Variants in PIEZO1 observed in about 807,000 individuals in gnomAD.
PIEZO1 encodes the protein piezo-type mechanosensitive ion channel component 1.
Under a neutral mutation model 297.2 loss-of-function variants are expected in PIEZO1, and 296 were observed. The ratio of observed to expected loss-of-function variants is 1.00; its 90% CI spans 0.91 to 1.10. PIEZO1 has a LOEUF of 1.10. Ranked by LOEUF, PIEZO1 falls within the 50% of genes least tolerant of loss-of-function variation. The pLI, the probability that PIEZO1 is intolerant of heterozygous loss-of-function variation, is 0.00. For synonymous variants in PIEZO1, 2,427 were observed against 1,507.5 expected (o/e 1.61, Z -14.13); for missense variants, 5,018 against 3,455.5 (o/e 1.45, Z -11.34).
intron 50 of PIEZO1, 23 bp downstream of exon 50, chr16:88,715,910 T>C (rs1911983048): frequency 1.3e-6 from 2 of 1,530,242 alleles, no homozygotes; most frequent in Non-Finnish European, 1.8e-6. Context: ...AGCTGCGGGG[T>C]GCCCCCCCAG....
Position 88,738,036 on chromosome 16 carries a change from G to T in PIEZO1, c.918C>A (p.Thr306=). ...CSSPHALVLN[T]GLDWPVYASP... is the part of the protein sequence containing the mutation. ...TGGCATACACAGGCCAGTCCAGGCC[G>T]GTGTTGAGGACCAGCGCGTGGGGGC... The change falls in exon 8 of 51, where the codon ACC becomes ACA. Residue 306 remains threonine, a synonymous_variant. Transcript: ENST00000301015. 2 of 1,535,732 alleles carry T rather than the reference G, an allele frequency of 1.3e-6. No individual in the cohort carries two copies. Among genetic ancestry groups the T allele is most frequent in the Non-Finnish European group, 1.7e-6 (2 of 1,146,760 alleles).
At chr16:88,784,244 C>A (rs2142918475) in intron 1 of PIEZO1, among the ~76,000 whole-genome samples, 1 of 152,348 alleles carries the variant, frequency 6.6e-6, no homozygotes, top group African/African-American at 2.4e-5. Context: ...CAGACCAGGG[C>A]AGAGGCCGGC....
At chr16:88,756,187 G>C (rs1336004967) in intron 1 of PIEZO1, among the ~76,000 whole-genome samples, 6 of 152,184 alleles carry the variant, frequency 3.9e-5, no homozygotes, top group Non-Finnish European at 5.9e-5. Flanking sequence ...ACTCCTCACG[G>C]GCACCAGGCC....
chr16:88,722,223 C>G lies in PIEZO1; in HGVS notation c.4950G>C (p.Leu1650=). The change falls in exon 36 of 51, where the codon CTG becomes CTC. Residue 1650 remains leucine, a synonymous_variant. Coordinates refer to ENST00000301015, the MANE Select transcript of PIEZO1 (RefSeq NM_001142864.4). ...GLMRTASELL[L]DRRLRIPELE... ...TGTGCGCGTCCCGCCCCCACCTGTC[C>G]AGGAGCAGCTCGCTGGCCGTCCGCA... 1.3e-6 allele frequency: 2 copies of G among 1,546,526 alleles called. No individual in the cohort carries two copies. Among genetic ancestry groups the G allele is most frequent in the East Asian group, 2.4e-5 (1 of 40,918 alleles).
intron 1 of PIEZO1, among the ~76,000 whole-genome samples, chr16:88,783,498 C>T (rs1204921430): frequency 3.3e-5 from 5 of 152,220 alleles, no homozygotes; most frequent in Non-Finnish European, 7.3e-5. Context: ...GGAAATGGAA[C>T]GATCAGTGTG....
intron 22 of PIEZO1, among the ~76,000 whole-genome samples, chr16:88,730,901 G>A (rs938839175): frequency 1.8e-4 from 28 of 152,222 alleles, no homozygotes; most frequent in African/African-American, 6.3e-4. Context: ...ACAGCAGAGA[G>A]AAAGTCTGTT....
intron 27 of PIEZO1, chr16:88,726,001 C>T: frequency 1.8e-6 from 1 of 567,344 alleles, no homozygotes; most frequent in South Asian, 2.2e-5. Context: ...GGCCCTCCCG[C>T]TGGTGGAGAA....
chr16:88,780,712 G>A (rs796577151), intron 1 of PIEZO1, among the ~76,000 whole-genome samples: 12 of 152,368 alleles, frequency 7.9e-5, no homozygotes, highest in African/African-American at 2.9e-4. Flanking sequence ...TGTAACCCCA[G>A]CACTTTTGGA....
intron 1 of PIEZO1, among the ~76,000 whole-genome samples, chr16:88,765,973 G>A (rs1471010232): frequency 3.9e-5 from 6 of 152,118 alleles, no homozygotes; most frequent in South Asian, 2.1e-4. Flanking sequence ...GCACCCGGCC[G>A]CTATCTCCAT....
intron 1 of PIEZO1, among the ~76,000 whole-genome samples, chr16:88,779,903 C>T (rs1567490989): frequency 1.3e-5 from 2 of 152,152 alleles, no homozygotes; most frequent in East Asian, 1.9e-4. Context: ...CTGAGCCTTC[C>T]GGGGGGGACG....
chr16:88,733,363 A>G lies in PIEZO1; in HGVS notation c.2579T>C (p.Val860Ala). ...FRPMASCLST[V>A]WTCVIIVCKM... ...ACACACGATGATGACGCAGGTCCAC[A>G]CGGTGGACAGGCAGGAGGCCATGGG... Residue 860 changes from valine to alanine, a missense_variant, in exon 19 of 51, where the codon GTG becomes GCG. Val to Ala is a moderately conservative substitution (Grantham distance 64, BLOSUM62 0). Transcript: ENST00000301015. 2 of 1,549,946 alleles carry G rather than the reference A, an allele frequency of 1.3e-6. No homozygotes were observed. Among genetic ancestry groups the G allele is most frequent in the Non-Finnish European group, 1.7e-6 (2 of 1,146,570 alleles).
intron 2 of PIEZO1, chr16:88,742,952 T>G (rs766867375): frequency 5.0e-6 from 2 of 400,504 alleles, no homozygotes; most frequent in Non-Finnish European, 1.0e-5. Flanking sequence ...AAGGAGAAGT[T>G]GCATCCCGAT....
chr16:88,772,065 C>G (rs1375573535), intron 1 of PIEZO1, among the ~76,000 whole-genome samples: 3 of 143,362 alleles, frequency 2.1e-5, no homozygotes, highest in Non-Finnish European at 3.0e-5. Flanking sequence ...CCAGGCCCAC[C>G]TGAGACTCTA....
At position 88,736,726 on chromosome 16, in the gene PIEZO1, C is replaced by T. The variant is rs961346485; in HGVS notation, c.1209G>A (p.Arg403=). Residue 403 remains arginine, a synonymous_variant, in exon 11 of 51, where the codon CGG becomes CGA. Transcript: ENST00000301015. ...GCGGAGACGCCTCCCTGGGCTCAGC[C>T]CGCTTGGGCCGCACTGCAGGTGGGG... ...SVLRRPVRPK[R]AEPREASPLH... 5.9e-6 allele frequency: 9 copies of T among 1,529,896 alleles called. No homozygotes were observed. Among genetic ancestry groups the T allele is most frequent in the East Asian group, 2.5e-5 (1 of 40,738 alleles). The allele number at this position is 1,529,896 out of a possible 1,614,324, so 94.8% of individuals were successfully genotyped here. A position where few individuals can be genotyped will look rare whatever the true frequency, so the allele number is the denominator to read the frequency against.
Position 88,726,894 on chromosome 16 carries a change from C to G in PIEZO1, c.3520G>C (p.Val1174Leu), listed in dbSNP as rs555582997. The G allele has an allele frequency of 4.8e-5, 74 of 1,550,274 alleles. No individual in the cohort carries two copies. The highest frequency in any genetic ancestry group is 1.7e-4 in the Middle Eastern group (1 of 6,012). Reference sequence around the variant, plus strand: ...ATGCGGGTGGCCCCCGTGACAAACACCACCACCAGCACCAGCCAGAACAGG... The same window carrying G: ...ATGCGGGTGGCCCCCGTGACAAACAGCACCACCAGCACCAGCCAGAACAGG... ...RYLFWLVLVV[V>L]FVTGATRISI... Residue 1174 changes from valine to leucine, a missense_variant, in exon 25 of 51, where the codon GTG becomes CTG. Transcript: ENST00000301015.
rs1904336607 is a variant in PIEZO1, at chr16:88,725,200, GGGGGCCGTGT to G, written c.4163-130_4163-121del. 3 of 776,514 alleles carry G rather than the reference GGGGGCCGTGT, an allele frequency of 3.9e-6. No homozygotes were observed. The African/African-American group carries it at 5.3e-5, about 14-fold the overall frequency. 48.1% of individuals were successfully genotyped at this position (776,514 alleles called of 1,614,324 possible). A position where few individuals can be genotyped will look rare whatever the true frequency, so the allele number is the denominator to read the frequency against. On this transcript the variant is annotated intron_variant, in intron 29 of 50. Transcript: ENST00000301015. ...GACAGACACGGACACCCACAGTGAC[GGGGGCCGTGT>G]GGGGCCATGGGGCTCAGAGCCCATG...
chr16:88,722,451 C>G (rs527819196), intron 35 of PIEZO1, 54 bp from the exon 36 acceptor site: 8 of 1,459,660 alleles, frequency 5.5e-6, no homozygotes, highest in Non-Finnish European at 7.3e-6. Flanking sequence ...TGACCCCAGG[C>G]TACAGGGAGG....
At chr16:88,722,816 G>A (rs112266153) in intron 34 of PIEZO1, 21 bp downstream of exon 34, 14 of 1,541,284 alleles carry the variant, frequency 9.1e-6, no homozygotes, top group Admixed American at 5.9e-5. Context: ...AGGGACGAGC[G>A]TGGTGCACGG....
Position 88,726,842 on chromosome 16 carries a change from A to G in PIEZO1, c.3572T>C (p.Leu1191Pro), listed in dbSNP as rs1211377561. Residue 1191 changes from leucine to proline, a missense_variant, in exon 25 of 51, where the codon CTG becomes CCG. Coordinates refer to ENST00000301015, the MANE Select transcript of PIEZO1 (RefSeq NM_001142864.4). ...GAAGAGCAGCAGGTAGAAGCAGGCC[A>G]GCAGGTAGCCCAGCCCGAAGATGCT... ...RISIFGLGYLLACFYLLLFGT... is the reference protein window; with the variant it reads ...RISIFGLGYLPACFYLLLFGT... The G allele has an allele frequency of 1.3e-6, 2 of 1,550,290 alleles. No individual in the cohort carries two copies. The highest frequency in any genetic ancestry group is 4.9e-5 in the East Asian group (2 of 40,932).
Sources: gnomAD v4.1 joint callset for allele counts (sites outside exome capture counted in the v4.1 genomes callset) on GRCh38, gnomAD v4.1.1 for gene constraint, MANE v1.5 for transcripts, NCBI Gene and HGNC (gene_info 2026-07-23, HGNC 2026-07-21) for gene names.